TACR3: variants seen among roughly 807,000 people sequenced by gnomAD.
TACR3 encodes tachykinin receptor 3.
In TACR3, 34 loss-of-function variants were observed where a neutral mutation model predicts 35.0. The observed-to-expected ratio is 0.97, with a 90% CI of 0.74 to 1.30. The LOEUF (loss-of-function observed/expected upper bound fraction) is 1.30. TACR3 is among the 50% of genes most tolerant of loss of function. The probability of loss-of-function intolerance (pLI) is 0.00; values close to 1 mark genes in which losing one functional copy is unlikely to be tolerated. For missense variants in TACR3, 558 were observed against 591.7 expected (o/e 0.94, Z 0.59); for synonymous variants, 233 against 221.1 (o/e 1.05, Z -0.48).
intron 1 of TACR3, among the ~76,000 whole-genome samples, chr4:103,660,281 C>T (rs998335578): frequency 6.6e-6 from 1 of 151,224 alleles, no homozygotes; most frequent in African/African-American, 2.4e-5. Context: ...GAAAAATAAT[C>T]ATATTTGTCC....
In TACR3 at chr4:103,627,169, G is replaced by A. The variant is rs1724912301; in HGVS notation, c.888+29025C>T. Reference sequence around the variant, plus strand: ...TGCATTCCAGCCCAAGTGACGGTGTGAGACTCCGTCTCAAAAAAAAAAAAA... The same window carrying A: ...TGCATTCCAGCCCAAGTGACGGTGTAAGACTCCGTCTCAAAAAAAAAAAAA... On this transcript the variant is annotated intron_variant, in intron 3 of 4. Coordinates refer to ENST00000304883, the MANE Select transcript of TACR3 (RefSeq NM_001059.3). Among the ~76,000 whole-genome samples, 3 of 115,054 alleles carry A rather than the reference G, an allele frequency of 2.6e-5. No individual in the cohort carries two copies. In the Admixed American group the frequency reaches 3.2e-4, roughly 12 times the overall value. The allele number at this position is 115,054 out of a possible 152,430, so 75.5% of individuals were successfully genotyped here.
At position 103,655,953 on chromosome 4, in the gene TACR3, C is replaced by T. The variant is rs1725725247; in HGVS notation, c.888+241G>A. Among the ~76,000 whole-genome samples, 2 of 151,752 alleles carry T rather than the reference C, an allele frequency of 1.3e-5. 1 individual carries two copies. Among genetic ancestry groups the T allele is most frequent in the South Asian group, 4.1e-4 (2 of 4,828 alleles). On this transcript the variant is annotated intron_variant, in intron 3 of 4. Transcript: ENST00000304883. Reference sequence around the variant, plus strand: ...CAGCAGAGTAATTAAGAATACTTTACAAAAGGCAATTTTTAAGAAGTCCTT... The same window carrying T: ...CAGCAGAGTAATTAAGAATACTTTATAAAAGGCAATTTTTAAGAAGTCCTT...
At chr4:103,667,484 T>G (rs932063213) in intron 1 of TACR3, among the ~76,000 whole-genome samples, 9 of 152,166 alleles carry the variant, frequency 5.9e-5, no homozygotes, top group African/African-American at 2.2e-4. Flanking sequence ...ACTAAGAGAC[T>G]AGAATTAGAA....
At chr4:103,669,160 C>G (rs1726000001) in intron 1 of TACR3, among the ~76,000 whole-genome samples, 1 of 151,924 alleles carries the variant, frequency 6.6e-6, no homozygotes, top group African/African-American at 2.4e-5. Flanking sequence ...TTTTTCATGG[C>G]TGAATAGTAT....
At chr4:103,658,087 A>C in intron 2 of TACR3, 128 bp downstream of exon 2, 1 of 917,554 alleles carries the variant, frequency 1.1e-6, no homozygotes, top group South Asian at 1.5e-5. Flanking sequence ...ATTTTTATAT[A>C]TTTCCTTTTC....
chr4:103,604,296 T>G, intron 3 of TACR3, among the ~76,000 whole-genome samples: 1 of 152,204 alleles, frequency 6.6e-6, no homozygotes. Context: ...GGGAAAGGAT[T>G]CCCTATTTAA....
intron 3 of TACR3, among the ~76,000 whole-genome samples, chr4:103,650,509 T>G (rs1578242822): frequency 7.5e-6 from 1 of 133,474 alleles, no homozygotes; most frequent in African/African-American, 2.7e-5. Flanking sequence ...TATATATATT[T>G]ATATATAAAT....
At chr4:103,671,437 A>T (rs1032349687) in intron 1 of TACR3, among the ~76,000 whole-genome samples, 1 of 151,912 alleles carries the variant, frequency 6.6e-6, no homozygotes. Context: ...CTTTGATGGG[A>T]GAGTTTTTAT....
chr4:103,673,795 ATG>A (rs1230431229), intron 1 of TACR3, among the ~76,000 whole-genome samples: 1 of 152,194 alleles, frequency 6.6e-6, no homozygotes, highest in East Asian at 1.9e-4. Context: ...GTATGCCTGT[ATG>A]TGTTAGGTTG....
chr4:103,678,682 G>T (rs1305092367), intron 1 of TACR3, among the ~76,000 whole-genome samples: 1 of 151,910 alleles, frequency 6.6e-6, no homozygotes, highest in African/African-American at 2.4e-5. Flanking sequence ...ATAGCAGTGG[G>T]TACTACGCAG....
At chr4:103,701,425 C>A (rs1430609391) in intron 1 of TACR3, among the ~76,000 whole-genome samples, 1 of 151,916 alleles carries the variant, frequency 6.6e-6, no homozygotes, top group African/African-American at 2.4e-5. Flanking sequence ...GAAGAACATT[C>A]CATGCTCATG....
intron 3 of TACR3, among the ~76,000 whole-genome samples, chr4:103,643,210 T>G (rs1415317447): frequency 6.6e-6 from 1 of 151,910 alleles, no homozygotes; most frequent in African/African-American, 2.4e-5. Context: ...CTTATTCATT[T>G]GTTTGTATTA....
intron 3 of TACR3, among the ~76,000 whole-genome samples, chr4:103,642,407 A>G (rs116175698): frequency 0.021 from 3,150 of 151,968 alleles, 132 homozygotes; most frequent in African/African-American, 0.072. Context: ...TTATTTGTCT[A>G]TTATAAAAAG....
intron 3 of TACR3, among the ~76,000 whole-genome samples, chr4:103,614,715 G>A (rs1466321469): frequency 6.8e-6 from 1 of 147,616 alleles, no homozygotes; most frequent in Admixed American, 6.7e-5. Context: ...AGGGGATTAT[G>A]AAGACTAAAT....
intron 1 of TACR3, among the ~76,000 whole-genome samples, chr4:103,695,553 T>C (rs1722503599): frequency 6.6e-6 from 1 of 152,174 alleles, no homozygotes; most frequent in Non-Finnish European, 1.5e-5. Flanking sequence ...ACAAAATATG[T>C]GTTGACTGTT....
At chr4:103,711,485 G>A (rs151304699) in intron 1 of TACR3, among the ~76,000 whole-genome samples, 2,503 of 152,156 alleles carry the variant, frequency 0.016, 86 homozygotes, top group African/African-American at 0.058. Context: ...GTATTAATGG[G>A]ATGTATCTCA....
rs1275133219 is a variant in TACR3, at chr4:103,589,975, T to C, written c.1105A>G (p.Arg369Gly). 6.2e-7 allele frequency: 1 copy of C among 1,613,630 alleles called. No individual in the cohort carries two copies. Among genetic ancestry groups the C allele is most frequent in the East Asian group, 2.2e-5 (1 of 44,844 alleles). The change falls in exon 5 of 5, where the codon AGA becomes GGA. Residue 369 changes from arginine (R) to glycine (G), a missense_variant. Physicochemically the swap from Arg to Gly is moderately radical, Grantham distance 125. Transcript: ENST00000304883. ...ATGAAAGGACACCAGCGAAATGCTC[T>C]CTTGAAGCCAGCTCGAAATCTGAGG... Reference protein sequence around the residue: ...LNKRFRAGFKRAFRWCPFIKV... With the variant: ...LNKRFRAGFKGAFRWCPFIKV...
chr4:103,604,546 TA>T (rs1188468054), intron 3 of TACR3, among the ~76,000 whole-genome samples: 7 of 152,086 alleles, frequency 4.6e-5, no homozygotes, highest in African/African-American at 1.4e-4. Flanking sequence ...AAATGGGATC[TA>T]AATTAAACTA....
At chr4:103,655,422 G>A (rs1275295471) in intron 3 of TACR3, among the ~76,000 whole-genome samples, 1 of 152,008 alleles carries the variant, frequency 6.6e-6, no homozygotes, top group Non-Finnish European at 1.5e-5. Context: ...ACCTCTCCAA[G>A]ATGCATTAGG....
Sources: allele counts gnomAD v4.1 joint callset (sites outside exome capture counted in the v4.1 genomes callset), GRCh38; gene constraint gnomAD v4.1.1; transcripts MANE v1.5; gene names NCBI Gene and HGNC (gene_info 2026-07-23, HGNC 2026-07-21).